Variants in IKBKB observed in about 807,000 individuals in gnomAD.
IKBKB encodes the protein inhibitor of nuclear factor kappa-B kinase subunit beta.
Under a neutral mutation model 113.6 loss-of-function variants are expected in IKBKB, and 42 were observed. That is an observed-to-expected ratio of 0.37 (90% confidence interval 0.29 to 0.48). The LOEUF (loss-of-function observed/expected upper bound fraction) is 0.48. IKBKB is among the 20% of genes least tolerant of loss of function. The pLI is 0.99. For missense variants in IKBKB, 673 were observed against 939.7 expected, an observed-to-expected ratio of 0.72 and a Z score of 3.71; for synonymous variants, 296 against 361.3, an observed-to-expected ratio of 0.82 and a Z score of 2.05.
At chr8:42,298,669 A>C (rs35631457) in intron 5 of IKBKB, among the ~76,000 whole-genome samples, 1 of 152,188 alleles carries the variant, frequency 6.6e-6, no homozygotes, top group Non-Finnish European at 1.5e-5. Context: ...TCATGGCTCC[A>C]CCATTTTATA....
At chr8:42,277,725 G>A (rs565504292) in intron 2 of IKBKB, among the ~76,000 whole-genome samples, 2 of 152,248 alleles carry the variant, frequency 1.3e-5, no homozygotes, top group East Asian at 3.9e-4. Flanking sequence ...TGGTTCTCCC[G>A]GTGAGTTCCT....
At chr8:42,298,854 G>A (rs191788551) in intron 5 of IKBKB, among the ~76,000 whole-genome samples, 132 of 152,198 alleles carry the variant, frequency 8.7e-4, no homozygotes, top group Non-Finnish European at 1.5e-3. Context: ...TCTGACATCC[G>A]CCAGCTGGTG....
intron 2 of IKBKB, among the ~76,000 whole-genome samples, chr8:42,279,130 G>T (rs2130124301): frequency 6.6e-6 from 1 of 152,352 alleles, no homozygotes; most frequent in East Asian, 1.9e-4. Flanking sequence ...CCCGGCCCAG[G>T]CCAGGAAGCT....
At chr8:42,300,845 C>T (rs1042359655) in intron 5 of IKBKB, among the ~76,000 whole-genome samples, 3 of 152,124 alleles carry the variant, frequency 2.0e-5, no homozygotes, top group East Asian at 1.9e-4. Context: ...TGCACTGTGT[C>T]GTTTATTTTA....
intron 20 of IKBKB, among the ~76,000 whole-genome samples, chr8:42,327,806 ATTTTTT>A (rs1285987849): frequency 0.024 from 349 of 14,336 alleles, 16 homozygotes; most frequent in South Asian, 0.056. Flanking sequence ...CTAATTTTGT[ATTTTTT>A]TTTTTTTTTG....
intron 4 of IKBKB, among the ~76,000 whole-genome samples, chr8:42,292,018 G>C (rs962266379): frequency 2.0e-5 from 3 of 152,168 alleles, no homozygotes; most frequent in Non-Finnish European, 4.4e-5. Flanking sequence ...TGCTGGAGTG[G>C]CTCTCCCTGG....
intron 2 of IKBKB, among the ~76,000 whole-genome samples, chr8:42,282,892 TTAAG>T (rs938139470): frequency 3.2e-4 from 48 of 152,326 alleles, no homozygotes; most frequent in African/African-American, 1.1e-3. Context: ...TAGGAAAAGT[TTAAG>T]TATGTCTGTA....
intron 5 of IKBKB, among the ~76,000 whole-genome samples, chr8:42,293,751 A>G (rs1221196950): frequency 6.6e-6 from 1 of 152,062 alleles, no homozygotes; most frequent in East Asian, 1.9e-4. Flanking sequence ...GTGAATTATG[A>G]TGTATAGGGA....
intron 5 of IKBKB, chr8:42,298,099 T>TTAA (rs1554516157): frequency 1.0e-6 from 1 of 985,434 alleles, no homozygotes; most frequent in Non-Finnish European, 1.2e-6. Flanking sequence ...TGGACTCTAT[T>TTAA]TAAACAGTCT....
At chr8:42,326,908 T>G (rs1244928290) in intron 20 of IKBKB, among the ~76,000 whole-genome samples, 1 of 152,108 alleles carries the variant, frequency 6.6e-6, no homozygotes, top group Non-Finnish European at 1.5e-5. Flanking sequence ...GCTCTATGGG[T>G]TCCTGCAGGC....
In IKBKB at chr8:42,287,061, G is replaced by A. The variant is rs79852947; in HGVS notation, c.106-1573G>A. Among the ~76,000 whole-genome samples, 52 of 152,296 alleles carry A rather than the reference G, an allele frequency of 3.4e-4. No individual in the cohort carries two copies. The East Asian group carries it at 8.3e-3, about 24-fold the overall frequency. ...CAGCTGCTGCCCCGCAGTTGTCTTG[G>A]AGACCCCCCCATAGCCAAAAGAGGT... is the stretch of plus-strand genomic sequence containing the variant. On this transcript the variant is annotated intron_variant, in intron 2 of 21. Coordinates refer to ENST00000520810, the MANE Select transcript of IKBKB (RefSeq NM_001556.3).
intron 5 of IKBKB, among the ~76,000 whole-genome samples, chr8:42,304,418 C>T (rs1469378143): frequency 6.6e-6 from 1 of 152,176 alleles, no homozygotes; most frequent in Non-Finnish European, 1.5e-5. Context: ...GACATCATCA[C>T]GTTGCCTCCT....
At chr8:42,330,794 C>CA in intron 21 of IKBKB, 120 bp from the exon 22 acceptor site, 1 of 1,536,846 alleles carries the variant, frequency 6.5e-7, no homozygotes, top group Admixed American at 2.0e-5. Flanking sequence ...AGGCATGAGC[C>CA]ACTGTGCCTG....
intron 7 of IKBKB, among the ~76,000 whole-genome samples, chr8:42,307,612 C>G (rs576377560): frequency 1.1e-4 from 16 of 152,268 alleles, no homozygotes; most frequent in Non-Finnish European, 1.8e-4. Flanking sequence ...GGGAGTGACT[C>G]AAGGAGTCTG....
At chr8:42,321,979 C>T (rs1219128794) in intron 17 of IKBKB, 34 bp downstream of exon 17, 1 of 1,611,302 alleles carries the variant, frequency 6.2e-7, no homozygotes, top group East Asian at 2.2e-5. Context: ...TTGGGCTTCT[C>T]CTTATCTCAT....
At chr8:42,293,940 G>T (rs1427414762) in intron 5 of IKBKB, among the ~76,000 whole-genome samples, 4 of 152,186 alleles carry the variant, frequency 2.6e-5, no homozygotes, top group Non-Finnish European at 5.9e-5. Flanking sequence ...TAATCCCTTG[G>T]GTACTGTTGG....
chr8:42,279,728 T>C (rs1243426227), intron 2 of IKBKB, among the ~76,000 whole-genome samples: 1 of 152,258 alleles, frequency 6.6e-6, no homozygotes, highest in Admixed American at 6.5e-5. Context: ...TTTTCCATTG[T>C]GCCTGTGGCT....
At chr8:42,322,633 C>T in intron 19 of IKBKB, 139 bp downstream of exon 19, 3 of 839,398 alleles carry the variant, frequency 3.6e-6, no homozygotes, top group Non-Finnish European at 5.6e-6. Context: ...CTTCACGTCG[C>T]TGTTCTTTGA....
At chr8:42,303,091 A>AAG (rs1815674933) in intron 5 of IKBKB, among the ~76,000 whole-genome samples, 56 of 57,814 alleles carry the variant, frequency 9.7e-4, no homozygotes, top group African/African-American at 2.1e-3. Context: ...GAGAGAGAGA[A>AAG]TGAGAGAGAG....
Sources: allele counts gnomAD v4.1 joint callset (sites outside exome capture counted in the v4.1 genomes callset), GRCh38; gene constraint gnomAD v4.1.1; transcripts MANE v1.5; gene names NCBI Gene and HGNC (gene_info 2026-07-23, HGNC 2026-07-21).